The following GPR173 variants were observed in gnomAD, a reference collection of about 807,000 sequenced individuals.
GPR173 encodes probable G protein-coupled receptor 173.
GPR173 carries 2 observed loss-of-function variants against 13.9 expected under a neutral mutation model. The observed-to-expected ratio is 0.14, with a 90% CI of 0.06 to 0.45. The LOEUF is 0.45. GPR173 is among the 20% of genes least tolerant of loss of function. The pLI is 0.98. For synonymous variants in GPR173, 131 were observed against 141.0 expected, an observed-to-expected ratio of 0.93 and a Z score of 0.50; for missense variants, 202 against 340.5, an observed-to-expected ratio of 0.59 and a Z score of 3.20.
intron 1 of GPR173, among the ~76,000 whole-genome samples, chrX:53,058,328 G>A (rs1174877680): frequency 8.9e-6 from 1 of 111,827 alleles, no homozygotes; most frequent in Non-Finnish European, 1.9e-5. Flanking sequence ...GTTTGTAGGG[G>A]TCAATATGTA....
chrX:53,074,194 A>ATAAATATAT (rs1556805337), intron 1 of GPR173, among the ~76,000 whole-genome samples: 3 of 96,517 alleles, frequency 3.1e-5, no homozygotes, highest in South Asian at 3.8e-4. Flanking sequence ...TTATTCATAT[A>ATAAATATAT]GAAATATATA....
chrX:53,068,293 A>G (rs954318477), intron 1 of GPR173, among the ~76,000 whole-genome samples: 6 of 111,269 alleles, frequency 5.4e-5, no homozygotes, highest in Admixed American at 2.9e-4. Context: ...TTTTTTATAA[A>G]AAAGTAACAA....
At chrX:53,072,081 T>C (rs138457679) in intron 1 of GPR173, among the ~76,000 whole-genome samples, 1,671 of 106,502 alleles carry the variant, frequency 0.016, 25 homozygotes, top group Admixed American at 0.048. Context: ...CTCTCCTCAC[T>C]TGTTTGTAAA....
At chrX:53,056,922 G>T (rs1313579118) in intron 1 of GPR173, among the ~76,000 whole-genome samples, 1 of 111,578 alleles carries the variant, frequency 9.0e-6, no homozygotes, top group Non-Finnish European at 1.9e-5. Flanking sequence ...ACTTGTGCAT[G>T]AGGTGAGTGT....
chrX:53,076,632 C>A lies in GPR173; in HGVS notation c.11C>A (p.Thr4Asn), dbSNP rs782417789. ...CCCCTGACCCTCAGTATGGCCAACA[C>A]TACCGGAGAGCCTGAGGAGGTGAGC... MANTTGEPEEVSGA... is the reference protein window; with the variant it reads MANNTGEPEEVSGA... The change falls in exon 2 of 2, where the codon ACT becomes AAT. Residue 4 changes from threonine to asparagine, a missense_variant. This residue lies in a region of GPR173 where 98 missense variants were observed against 137.2 expected (regional missense o/e 0.71). Coordinates refer to ENST00000332582, the MANE Select transcript of GPR173 (RefSeq NM_018969.6). The A allele has an allele frequency of 1.7e-6, 2 of 1,187,815 alleles. No homozygotes were observed. The highest frequency in any genetic ancestry group is 2.3e-6 in the Non-Finnish European group (2 of 881,149).
intron 1 of GPR173, among the ~76,000 whole-genome samples, chrX:53,059,726 A>G (rs1358642629): frequency 4.7e-5 from 5 of 105,745 alleles, no homozygotes; most frequent in African/African-American, 1.7e-4. Flanking sequence ...CAGGAGTTCG[A>G]GGCTGCAGTG....
At chrX:53,057,591 C>A (rs1364595613) in intron 1 of GPR173, among the ~76,000 whole-genome samples, 30 of 103,057 alleles carry the variant, frequency 2.9e-4, no homozygotes, top group Non-Finnish European at 3.4e-4. Flanking sequence ...AAAAAAAAAA[C>A]CACACACACA....
chrX:53,051,792 C>T (rs1931960637), intron 1 of GPR173, among the ~76,000 whole-genome samples: 1 of 110,800 alleles, frequency 9.0e-6, no homozygotes, highest in South Asian at 3.8e-4. Context: ...GGTGTGCATG[C>T]CCAATTAGAT....
At chrX:53,069,108 C>T (rs1293112081) in intron 1 of GPR173, among the ~76,000 whole-genome samples, 4 of 106,185 alleles carry the variant, frequency 3.8e-5, no homozygotes, top group African/African-American at 1.4e-4. Context: ...TACAGGCATG[C>T]ACCACTACGC....
chrX:53,054,812 C>T (rs781870245), intron 1 of GPR173, among the ~76,000 whole-genome samples: 13 of 109,137 alleles, frequency 1.2e-4, no homozygotes, highest in African/African-American at 4.3e-4. Flanking sequence ...GTGGGTGTTT[C>T]CTGGGTGGAG....
intron 1 of GPR173, among the ~76,000 whole-genome samples, chrX:53,056,793 A>G (rs1929114260): frequency 9.0e-6 from 1 of 111,178 alleles, no homozygotes; most frequent in South Asian, 3.8e-4. Context: ...GAATGTCTGT[A>G]AATGTGAACG....
intron 1 of GPR173, among the ~76,000 whole-genome samples, chrX:53,055,823 A>T (rs1480016300): frequency 9.2e-6 from 1 of 108,717 alleles, no homozygotes; most frequent in Non-Finnish European, 1.9e-5. Context: ...ATGTGTCTGC[A>T]TGGGGCTGTG....
intron 1 of GPR173, among the ~76,000 whole-genome samples, chrX:53,073,461 C>A (rs965352669): frequency 9.0e-6 from 1 of 110,506 alleles, no homozygotes; most frequent in Admixed American, 9.8e-5. Flanking sequence ...CACATCCCCA[C>A]ACTCCCGGAG....
Position 53,079,790 on chromosome X carries a change from A to C in GPR173, c.*2047A>C, listed in dbSNP as rs868939439. On this transcript the variant is annotated 3_prime_UTR_variant, in exon 2 of 2. Transcript: ENST00000332582. ...CATGCATACACACACACACACACACACCACAGTTGAGAGGAGACAAACTAG... is the reference window on the plus strand; with the variant it reads ...CATGCATACACACACACACACACACCCCACAGTTGAGAGGAGACAAACTAG... 2 of 115,877 alleles carry C rather than the reference A, an allele frequency of 1.7e-5. No individual in the cohort carries two copies. Among genetic ancestry groups the C allele is most frequent in the Admixed American group, 9.9e-5 (1 of 10,110 alleles). The allele number at this position is 115,877 out of a possible 1,213,427, so 9.5% of individuals were successfully genotyped here.
intron 1 of GPR173, among the ~76,000 whole-genome samples, chrX:53,055,386 T>C (rs12013318): frequency 0.31 from 33,273 of 108,551 alleles, 5,211 homozygotes; most frequent in African/African-American, 0.6. Context: ...TGGGTGTATC[T>C]GGATGGTAGG....
At chrX:53,074,151 C>T (rs1270626134) in intron 1 of GPR173, among the ~76,000 whole-genome samples, 1 of 91,698 alleles carries the variant, frequency 1.1e-5, no homozygotes, top group African/African-American at 4.9e-5. Flanking sequence ...TATATTTATT[C>T]ATATAGAAAT....
At chrX:53,074,265 CATATATAAATATACATTTACATATAAAT>C (rs1569224493) in intron 1 of GPR173, among the ~76,000 whole-genome samples, 2 of 50,084 alleles carry the variant, frequency 4.0e-5, no homozygotes, top group Non-Finnish European at 6.4e-5. Flanking sequence ...TATATTTATT[CATATATAAATATACATTTACATATAAAT>C]ATATATAAAT....
Position 53,077,799 on chromosome X carries a change from A to G in GPR173, c.*56A>G, listed in dbSNP as rs1556806104. 9.9e-7 allele frequency: 1 copy of G among 1,005,407 alleles called. No homozygotes were observed. The highest frequency in any genetic ancestry group is 1.4e-6 in the Non-Finnish European group (1 of 724,326). The allele number at this position is 1,005,407 out of a possible 1,213,427, so 82.9% of individuals were successfully genotyped here. On this transcript the variant is annotated 3_prime_UTR_variant, in exon 2 of 2. Transcript: ENST00000332582. ...AGGTCATGGCCACCGTGATGGGGCC[A>G]ACAGCAAGGGAGGGGTAGGGGCCCA... is the stretch of plus-strand genomic sequence containing the variant.
At position 53,076,400 on chromosome X, in the gene GPR173, T is replaced by C. The variant is rs782242974; in HGVS notation, c.-97-125T>C. ...CTCTCTCTCTCTCTCTTTCCCACTTTGTCTCTGCACGCCTGTTGTGTTTTT... is the reference window on the plus strand; with the variant it reads ...CTCTCTCTCTCTCTCTTTCCCACTTCGTCTCTGCACGCCTGTTGTGTTTTT... On this transcript the variant is annotated intron_variant, in intron 1 of 1. Coordinates refer to ENST00000332582, the MANE Select transcript of GPR173 (RefSeq NM_018969.6). 4 of 344,318 alleles carry C rather than the reference T, an allele frequency of 1.2e-5. No individual in the cohort carries two copies. In the East Asian group the frequency reaches 1.7e-4, roughly 15 times the overall value. 28.4% of individuals were successfully genotyped at this position (344,318 alleles called of 1,213,427 possible).
Sources: gnomAD v4.1 joint callset for allele counts (sites outside exome capture counted in the v4.1 genomes callset) on GRCh38, gnomAD v4.1.1 for gene constraint, gnomAD v4.1.1 regional missense constraint, MANE v1.5 for transcripts, NCBI Gene and HGNC (gene_info 2026-07-23, HGNC 2026-07-21) for gene names.